Variants in EPB41L4A observed in about 807,000 individuals in gnomAD.
EPB41L4A encodes the protein erythrocyte membrane protein band 4.1 like 4A.
In EPB41L4A, 100 loss-of-function variants were observed where a neutral mutation model predicts 108.6. The ratio of observed to expected loss-of-function variants is 0.92; its 90% confidence interval spans 0.78 to 1.09. The LOEUF (loss-of-function observed/expected upper bound fraction) is 1.09, where lower values mean the gene tolerates loss of function less well. EPB41L4A is among the 50% of genes least tolerant of loss of function. The pLI is 0.00. For missense variants in EPB41L4A, 1,030 were observed against 842.7 expected (o/e 1.22, Z -2.75); for synonymous variants, 319 against 289.0 (o/e 1.10, Z -1.05).
intron 12 of EPB41L4A, among the ~76,000 whole-genome samples, chr5:112,213,372 A>C (rs1747362223): frequency 6.8e-6 from 1 of 147,454 alleles, no homozygotes; most frequent in Non-Finnish European, 1.5e-5. Context: ...TTTTTAAGAT[A>C]GACTCTTGCT....
intron 1 of EPB41L4A, among the ~76,000 whole-genome samples, chr5:112,382,348 A>G (rs1398863077): frequency 2.0e-5 from 3 of 152,230 alleles, no homozygotes; most frequent in African/African-American, 4.8e-5. Flanking sequence ...CAAGTGTCAG[A>G]AACTAGGAGC....
intron 2 of EPB41L4A, among the ~76,000 whole-genome samples, chr5:112,281,052 C>A (rs1478266194): frequency 1.3e-5 from 2 of 152,238 alleles, no homozygotes; most frequent in South Asian, 2.1e-4. Flanking sequence ...CTGACTCTCC[C>A]CATGTCATTG....
chr5:112,169,903 C>T (rs1561445733), intron 20 of EPB41L4A: 3 of 195,360 alleles, frequency 1.5e-5, no homozygotes, highest in Non-Finnish European at 3.1e-5. Flanking sequence ...TGTGCTTTCA[C>T]GAAGCCTGCT....
intron 13 of EPB41L4A, chr5:112,206,121 AC>A (rs1762460064): frequency 6.6e-6 from 1 of 152,004 alleles, no homozygotes; most frequent in Non-Finnish European, 1.5e-5. Context: ...TGTTTTAGAA[AC>A]CCCTGGGGAG....
intron 1 of EPB41L4A, among the ~76,000 whole-genome samples, chr5:112,348,151 T>C (rs1757807570): frequency 1.3e-5 from 2 of 152,152 alleles, no homozygotes; most frequent in Non-Finnish European, 1.5e-5. Flanking sequence ...TCCACCTGAA[T>C]TGCCTATCCT....
chr5:112,339,514 A>ATATATATATC (rs1757156879), intron 1 of EPB41L4A, among the ~76,000 whole-genome samples: 2 of 105,040 alleles, frequency 1.9e-5, no homozygotes, highest in African/African-American at 9.9e-5. Flanking sequence ...ATATATAGAT[A>ATATATATATC]TATAGATATA....
chr5:112,158,336 G>A (rs554580367), downstream of EPB41L4A: 7 of 267,830 alleles, frequency 2.6e-5, no homozygotes, highest in South Asian at 7.4e-5. Context: ...ACAATGCTAC[G>A]TGATTCCACA....
intron 1 of EPB41L4A, among the ~76,000 whole-genome samples, chr5:112,397,172 A>C (rs1336928841): frequency 1.3e-5 from 2 of 152,174 alleles, no homozygotes; most frequent in African/African-American, 4.8e-5. Flanking sequence ...CCCACTTATA[A>C]GTGAGAAAAT....
At chr5:112,415,816 A>C (rs984841790) in intron 1 of EPB41L4A, among the ~76,000 whole-genome samples, 7 of 152,160 alleles carry the variant, frequency 4.6e-5, no homozygotes, top group African/African-American at 1.7e-4. Context: ...CAGCTTATGT[A>C]AACTTGAGTT....
chr5:112,354,452 C>G lies in EPB41L4A; in HGVS notation c.100-46962G>C, dbSNP rs183506560. Among the ~76,000 whole-genome samples the G allele has an allele frequency of 3.2e-3, 487 of 152,244 alleles. 2 individuals carry two copies. The highest frequency in any genetic ancestry group is 0.011 in the African/African-American group (463 of 41,540). ...GACAAGAAAATATAGACTCAGCTCT[C>G]CGGCAACACTGCAGATAGGCATAGA... On this transcript the variant is annotated intron_variant, in intron 1 of 22. Transcript: ENST00000261486.
intron 1 of EPB41L4A, among the ~76,000 whole-genome samples, chr5:112,413,554 G>A (rs958289980): frequency 1.3e-5 from 2 of 152,294 alleles, no homozygotes; most frequent in Non-Finnish European, 2.9e-5. Context: ...CAGCTCACAG[G>A]CTGCTGGAGG....
intron 1 of EPB41L4A, among the ~76,000 whole-genome samples, chr5:112,387,480 T>A (rs1428914725): frequency 6.6e-6 from 1 of 151,892 alleles, no homozygotes; most frequent in African/African-American, 2.4e-5. Context: ...CAAAAAAAAA[T>A]TAGCCAGGCA....
intron 1 of EPB41L4A, among the ~76,000 whole-genome samples, chr5:112,329,133 T>G (rs1049660016): frequency 2.0e-5 from 3 of 152,228 alleles, no homozygotes; most frequent in African/African-American, 7.2e-5. Context: ...AGATGTACTA[T>G]AAATATAAAA....
At chr5:112,317,700 T>C (rs1014392666) in intron 1 of EPB41L4A, among the ~76,000 whole-genome samples, 3 of 152,236 alleles carry the variant, frequency 2.0e-5, no homozygotes, top group East Asian at 3.8e-4. Flanking sequence ...TCTGTTAAGC[T>C]AGATATCATA....
intron 1 of EPB41L4A, among the ~76,000 whole-genome samples, chr5:112,418,007 T>C (rs1157559834): frequency 1.3e-5 from 2 of 152,164 alleles, no homozygotes; most frequent in Non-Finnish European, 2.9e-5. Context: ...CTTGGCAGCC[T>C]GAACTCGATT....
At chr5:112,316,552 C>T (rs1483815234) in intron 1 of EPB41L4A, among the ~76,000 whole-genome samples, 3 of 152,072 alleles carry the variant, frequency 2.0e-5, no homozygotes, top group Non-Finnish European at 2.9e-5. Flanking sequence ...GTTACCCTCA[C>T]CCTCCAGATG....
At chr5:112,365,805 A>G (rs1035104680) in intron 1 of EPB41L4A, among the ~76,000 whole-genome samples, 3 of 152,214 alleles carry the variant, frequency 2.0e-5, no homozygotes, top group African/African-American at 7.2e-5. Context: ...GATGGTTTTG[A>G]GAAGTACTGG....
chr5:112,229,934 G>A (rs1012385930), intron 12 of EPB41L4A, among the ~76,000 whole-genome samples: 3 of 149,582 alleles, frequency 2.0e-5, no homozygotes, highest in African/African-American at 7.4e-5. Context: ...TTTGCAGTGA[G>A]CCGAGATCAC....
At position 112,284,456 on chromosome 5, in the gene EPB41L4A, C is replaced by T. The variant is rs528324739; in HGVS notation, c.205-4133G>A. On this transcript the variant is annotated intron_variant, in intron 2 of 22. Transcript: ENST00000261486. ...GCCAGATGGTCACGAGGAGAAATAGCCCTATCTCTCATTCCCTCTCAACAT... is the reference window on the plus strand; with the variant it reads ...GCCAGATGGTCACGAGGAGAAATAGTCCTATCTCTCATTCCCTCTCAACAT... Among the ~76,000 whole-genome samples the T allele has an allele frequency of 2.2e-4, 34 of 152,100 alleles. 3 individuals are homozygous for T. In the South Asian group the frequency reaches 7.1e-3, roughly 32 times the overall value.
Sources: gnomAD v4.1 joint callset for allele counts (sites outside exome capture counted in the v4.1 genomes callset) on GRCh38, gnomAD v4.1.1 for gene constraint, MANE v1.5 for transcripts, NCBI Gene and HGNC (gene_info 2026-07-23, HGNC 2026-07-21) for gene names.